Variants in CNTNAP2 observed in about 807,000 individuals in gnomAD.
CNTNAP2 encodes the protein contactin-associated protein-like 2.
A neutral mutation model predicts 155.2 loss-of-function variants in CNTNAP2; 98 were observed. The ratio of observed to expected loss-of-function variants is 0.63; its 90% CI spans 0.54 to 0.75. The LOEUF is 0.75. Ranked by LOEUF, CNTNAP2 falls within the 30% of genes least tolerant of loss-of-function variation. CNTNAP2 has a pLI of 0.00. For missense variants in CNTNAP2, 1,727 were observed against 1,688.1 expected, an observed-to-expected ratio of 1.02 and a Z score of -0.40; for synonymous variants, 651 against 631.2, an observed-to-expected ratio of 1.03 and a Z score of -0.47.
chr7:148,342,602 C>A (rs1299477054), intron 21 of CNTNAP2, among the ~76,000 whole-genome samples: 1 of 152,222 alleles, frequency 6.6e-6, no homozygotes, highest in Non-Finnish European at 1.5e-5. Flanking sequence ...AGTCAAAATT[C>A]ATTTTTTAAT....
chr7:147,196,406 T>A (rs1206143150), intron 8 of CNTNAP2, among the ~76,000 whole-genome samples: 1 of 152,270 alleles, frequency 6.6e-6, no homozygotes, highest in Non-Finnish European at 1.5e-5. Context: ...TAGCTAGGAA[T>A]GGACCATGTT....
intron 10 of CNTNAP2, among the ~76,000 whole-genome samples, chr7:147,428,686 G>A (rs1252612602): frequency 6.6e-6 from 1 of 152,124 alleles, no homozygotes. Flanking sequence ...ACAGATTCAT[G>A]CTTTAGAAAG....
intron 11 of CNTNAP2, among the ~76,000 whole-genome samples, chr7:147,537,476 A>G (rs1443673382): frequency 6.6e-6 from 1 of 152,180 alleles, no homozygotes; most frequent in Non-Finnish European, 1.5e-5. Context: ...ACCTATTCTC[A>G]ATGTAAATGT....
At chr7:147,850,755 T>A (rs1463530012) in intron 13 of CNTNAP2, among the ~76,000 whole-genome samples, 1 of 152,176 alleles carries the variant, frequency 6.6e-6, no homozygotes, top group Non-Finnish European at 1.5e-5. Context: ...TCCTTACACC[T>A]TATACAAAAA....
In CNTNAP2 at chr7:146,485,359, T is replaced by G. The variant is rs73464712; in HGVS notation, c.98-288912T>G. 1.9e-3 allele frequency among the ~76,000 whole-genome samples: 296 copies of G among 152,320 alleles called. 1 individual carries two copies. The highest frequency in any genetic ancestry group is 6.9e-3 in the African/African-American group (288 of 41,586). ...TGTGCTATGTCCTGTGTACTTATTC[T>G]ATCCCAATGAATGTCCACAGCAATT... On this transcript the variant is annotated intron_variant, in intron 1 of 23. Transcript: ENST00000361727.
In CNTNAP2 at chr7:147,907,733, C is replaced by T. The variant is rs1209771732; in HGVS notation, c.2255+4012C>T. ...ATATAAAAGCCTTCTATAAATTATA[C>T]TATATGGGATAGTTATTTGCAATTC... On this transcript the variant is annotated intron_variant, in intron 14 of 23. Transcript: ENST00000361727. Among the ~76,000 whole-genome samples the T allele has an allele frequency of 3.3e-5, 5 of 151,958 alleles. No homozygotes were observed. The East Asian group carries it at 5.8e-4, about 18-fold the overall frequency.
chr7:147,875,584 A>G (rs1799408999), intron 13 of CNTNAP2, among the ~76,000 whole-genome samples: 5 of 152,080 alleles, frequency 3.3e-5, no homozygotes, highest in South Asian at 4.1e-4. Context: ...AAAATAAAAC[A>G]AAGTAATTTT....
chr7:147,706,477 T>C lies in CNTNAP2; in HGVS notation c.2098+67171T>C, dbSNP rs952454322. Among the ~76,000 whole-genome samples, 17 of 152,114 alleles carry C rather than the reference T, an allele frequency of 1.1e-4. 1 individual carries two copies. Reference sequence around the variant, plus strand: ...TCTCATTCTTCCTGGCTTGAAAGGTTTCTGCTGAGAGATTCACTGTTAGTC... The same window carrying C: ...TCTCATTCTTCCTGGCTTGAAAGGTCTCTGCTGAGAGATTCACTGTTAGTC... On this transcript the variant is annotated intron_variant, in intron 13 of 23. Coordinates refer to ENST00000361727, the MANE Select transcript of CNTNAP2 (RefSeq NM_014141.6).
At chr7:147,363,981 G>T (rs954621458) in intron 9 of CNTNAP2, among the ~76,000 whole-genome samples, 1 of 152,074 alleles carries the variant, frequency 6.6e-6, no homozygotes. Context: ...CCCCTACATT[G>T]TCCAAGTTAT....
chr7:146,837,109 T>C (rs781475629), intron 2 of CNTNAP2, among the ~76,000 whole-genome samples: 40 of 152,172 alleles, frequency 2.6e-4, no homozygotes, highest in Middle Eastern at 6.3e-3. Flanking sequence ...TATCTGAGTT[T>C]ATATATTTCA....
chr7:147,595,403 G>A (rs892843464), intron 12 of CNTNAP2, among the ~76,000 whole-genome samples: 2 of 152,132 alleles, frequency 1.3e-5, no homozygotes, highest in Non-Finnish European at 2.9e-5. Flanking sequence ...AGTGTCATTT[G>A]GGAAATATTG....
At chr7:147,375,118 T>C (rs763573824) in intron 9 of CNTNAP2, among the ~76,000 whole-genome samples, 2 of 151,988 alleles carry the variant, frequency 1.3e-5, no homozygotes. Context: ...CCTTCCACCA[T>C]GATTATAAGT....
intron 1 of CNTNAP2, among the ~76,000 whole-genome samples, chr7:146,161,564 T>C (rs1279039130): frequency 2.0e-5 from 3 of 152,114 alleles, no homozygotes; most frequent in Non-Finnish European, 4.4e-5. Flanking sequence ...GAAGAATCAA[T>C]ATTGTGAAAA....
chr7:147,217,811 C>A (rs1477650928), intron 8 of CNTNAP2, among the ~76,000 whole-genome samples: 5 of 151,970 alleles, frequency 3.3e-5, no homozygotes, highest in African/African-American at 1.2e-4. Context: ...TTAATAATTG[C>A]TTTAATTTAT....
At chr7:148,400,332 G>C (rs567690903) in intron 22 of CNTNAP2, among the ~76,000 whole-genome samples, 1 of 152,212 alleles carries the variant, frequency 6.6e-6, no homozygotes, top group Non-Finnish European at 1.5e-5. Flanking sequence ...TCAGACCGGG[G>C]TTTAAATGGC....
intron 8 of CNTNAP2, among the ~76,000 whole-genome samples, chr7:147,228,216 T>G (rs187300897): frequency 2.6e-5 from 4 of 152,312 alleles, no homozygotes; most frequent in Admixed American, 6.5e-5. Context: ...AGAATACAGA[T>G]TCTTACTTTT....
intron 1 of CNTNAP2, among the ~76,000 whole-genome samples, chr7:146,503,023 A>T (rs1797329691): frequency 6.6e-6 from 1 of 152,068 alleles, no homozygotes; most frequent in Non-Finnish European, 1.5e-5. Context: ...TTCTAGTCAG[A>T]TCTTTTGCTC....
intron 22 of CNTNAP2, among the ~76,000 whole-genome samples, chr7:148,394,076 G>C (rs576874706): frequency 1.0e-3 from 157 of 151,570 alleles, no homozygotes; most frequent in African/African-American, 3.7e-3. Flanking sequence ...AGTGTTTTAT[G>C]GCTTTTGGGT....
rs924165797 is a variant in CNTNAP2, at chr7:147,121,025, A to G, written c.801A>G (p.Thr267=). The change falls in exon 6 of 24, where the codon ACA becomes ACG. Residue 267 remains threonine (T), a synonymous_variant. Coordinates refer to ENST00000361727, the MANE Select transcript of CNTNAP2 (RefSeq NM_014141.6). ...TATATGGCCACACATCAGTGATGAC[A>G]GGAAGTTTGCTGGATGACCACCACT... ...GPIYGHTSVM[T]GSLLDDHHWH... is the part of the protein sequence containing the mutation. 1.2e-6 allele frequency: 2 copies of G among 1,614,030 alleles called. No homozygotes were observed. The highest frequency in any genetic ancestry group is 1.7e-6 in the Non-Finnish European group (2 of 1,180,006).
Sources: gnomAD v4.1 joint callset for allele counts (sites outside exome capture counted in the v4.1 genomes callset) on GRCh38, gnomAD v4.1.1 for gene constraint, MANE v1.5 for transcripts, NCBI Gene and HGNC (gene_info 2026-07-23, HGNC 2026-07-21) for gene names.